Variants in ZNF692 observed in about 807,000 individuals in gnomAD.
The protein encoded by ZNF692 is AICAR responsive element binding protein.
Under a neutral mutation model 49.0 loss-of-function variants are expected in ZNF692, and 41 were observed. The observed-to-expected ratio is 0.84, with a 90% CI of 0.65 to 1.08. The LOEUF (loss-of-function observed/expected upper bound fraction) is 1.08. Among genes scored for constraint, ZNF692 ranks in the 50% least tolerant of loss-of-function variants. The probability of loss-of-function intolerance (pLI) is 0.00; values close to 1 mark genes in which losing one functional copy is unlikely to be tolerated. For missense variants in ZNF692, 662 were observed against 662.2 expected (o/e 1.00, Z 0.00); for synonymous variants, 288 against 251.5 (o/e 1.15, Z -1.37).
chr1:248,850,095 T>C lies in ZNF692; in HGVS notation c.*115A>G, dbSNP rs1558243459. On this transcript the variant is annotated 3_prime_UTR_variant, in exon 12 of 12. Coordinates refer to ENST00000306601, the MANE Select transcript of ZNF692 (RefSeq NM_017865.4). ...CCAGTCTTGCCCCCACCCTGCACTCTGTCGCCTTAGTTCCTGGGGACCAAG... is the reference window on the plus strand; with the variant it reads ...CCAGTCTTGCCCCCACCCTGCACTCCGTCGCCTTAGTTCCTGGGGACCAAG... 4 of 1,219,056 alleles carry C rather than the reference T, an allele frequency of 3.3e-6. No homozygotes were observed. The highest frequency in any genetic ancestry group is 1.5e-5 in the African/African-American group (1 of 65,412). 75.5% of individuals were successfully genotyped at this position (1,219,056 alleles called of 1,614,324 possible). A position where few individuals can be genotyped will look rare whatever the true frequency, so the allele number is the denominator to read the frequency against.
At chr1:248,852,870 C>T (rs1364071746) in intron 10 of ZNF692, among the ~76,000 whole-genome samples, 1 of 152,184 alleles carries the variant, frequency 6.6e-6, no homozygotes, top group Non-Finnish European at 1.5e-5. Context: ...TATGTAGGGA[C>T]ACTCTGGCCT....
chr1:248,855,733 G>T lies in ZNF692; in HGVS notation c.873C>A (p.Ala291=), dbSNP rs149407405. 4.4e-5 allele frequency: 71 copies of T among 1,614,086 alleles called. No individual in the cohort carries two copies. Among genetic ancestry groups the T allele is most frequent in the Non-Finnish European group, 5.8e-5 (69 of 1,180,046 alleles). The change falls in exon 7 of 12, where the codon GCC becomes GCA. Residue 291 remains alanine (A), a synonymous_variant. Transcript: ENST00000306601. ...CTCAGCCATCAGGTTACCTGGCCAG[G>T]GCCTCAGTCTGCTGGGCCGCTTGAG... is the stretch of plus-strand genomic sequence containing the variant. ...RTPQAAQQTE[A]LASTGSQAQS...
chr1:248,856,027 G>T (rs1660194294), intron 6 of ZNF692, 81 bp from the exon 7 acceptor site: 2 of 1,447,490 alleles, frequency 1.4e-6, no homozygotes, highest in African/African-American at 2.8e-5. Flanking sequence ...CCCCTAAACT[G>T]AAAAGATCTC....
At chr1:248,850,933 C>G (rs1659505654) in intron 10 of ZNF692, 152 bp from the exon 11 acceptor site, 1 of 745,018 alleles carries the variant, frequency 1.3e-6, no homozygotes, top group East Asian at 2.7e-5. Flanking sequence ...TGGAGCCCGT[C>G]TGGACCTCCC....
chr1:248,856,981 A>G (rs1425610676), intron 4 of ZNF692, among the ~76,000 whole-genome samples: 1 of 152,156 alleles, frequency 6.6e-6, no homozygotes, highest in Non-Finnish European at 1.5e-5. Flanking sequence ...TATGTCATAC[A>G]TTCGCAAGTA....
chr1:248,858,708 GGTC>G lies in ZNF692; in HGVS notation c.-13+207_-13+209del. 1.3e-6 allele frequency: 1 copy of G among 749,768 alleles called. No homozygotes were observed. The highest frequency in any genetic ancestry group is 2.3e-6 in the Non-Finnish European group (1 of 443,446). The allele number at this position is 749,768 out of a possible 1,614,324, so 46.4% of individuals were successfully genotyped here. On this transcript the variant is annotated intron_variant, in intron 1 of 11. Transcript: ENST00000306601. This position sits in a 1 kb window ranked among gnomAD's most constrained non-coding sequence, Gnocchi z 4.3. Reference sequence around the variant, plus strand: ...TTTACTGGTTTCTAGGGGAAGGAAAGGTCGTGTCCTGGCGTGCAGCTGGGGGCG... The same window carrying G: ...TTTACTGGTTTCTAGGGGAAGGAAAGGTGTCCTGGCGTGCAGCTGGGGGCG...
In ZNF692 at chr1:248,855,405, A is replaced by G; in HGVS notation, c.1013T>C (p.Ile338Thr). 1 of 1,614,136 alleles carries G rather than the reference A, an allele frequency of 6.2e-7. No individual in the cohort carries two copies. The highest frequency in any genetic ancestry group is 8.5e-7 in the Non-Finnish European group (1 of 1,180,028). The change falls in exon 9 of 12, where the codon ATC (isoleucine) becomes ACC (threonine). Residue 338 changes from isoleucine (I) to threonine (T), a missense_variant. Coordinates refer to ENST00000306601, the MANE Select transcript of ZNF692 (RefSeq NM_017865.4). ...MPCDFPGCGR[I>T]FSNRQYLNHH... ...ATTCAAATACTGCCGGTTGGAGAAG[A>G]TCCTTCCACAGCCAGGGAAGTCACA...
At chr1:248,857,900 A>G (rs767181247) in intron 2 of ZNF692, 41 bp from the exon 3 acceptor site, 2 of 1,609,204 alleles carry the variant, frequency 1.2e-6, no homozygotes, top group South Asian at 2.2e-5. Flanking sequence ...TCAGGTGGCC[A>G]GCCACCCTCA....
rs942729008 is a variant in ZNF692 at position 248,856,105 on chromosome 1, C to T, written c.660-159G>A. On this transcript the variant is annotated intron_variant, in intron 6 of 11. Coordinates refer to ENST00000306601, the MANE Select transcript of ZNF692 (RefSeq NM_017865.4). ...TATCTGCTTTCAGCCCTCAATCTCC[C>T]TGCACCTGACTTCACCCCTTTTCAC... 16 of 1,207,944 alleles carry T rather than the reference C, an allele frequency of 1.3e-5. No individual in the cohort carries two copies. The African/African-American group carries it at 2.2e-4, about 16-fold the overall frequency. 74.8% of individuals were successfully genotyped at this position (1,207,944 alleles called of 1,614,324 possible).
rs1245254326 is a variant in ZNF692, at chr1:248,855,919, C to T, written c.687G>A (p.Leu229=). 4 of 1,613,918 alleles carry T rather than the reference C, an allele frequency of 2.5e-6. No individual in the cohort carries two copies. Among genetic ancestry groups the T allele is most frequent in the African/African-American group, 2.7e-5 (2 of 74,890 alleles). Residue 229 remains leucine (L), a synonymous_variant, in exon 7 of 12, where the codon CTG becomes CTA. Transcript: ENST00000306601. ...DDSEPDAPRL[L]PSPVTCTPKE... ...TAGGTGTGCAGGTGACAGGGGAAGG[C>T]AGTAGTCTGGGGGCATCAGGCTCAC... is the stretch of plus-strand genomic sequence containing the variant.
chr1:248,853,383 A>C (rs1659831571), intron 10 of ZNF692, among the ~76,000 whole-genome samples: 3 of 152,124 alleles, frequency 2.0e-5, no homozygotes, highest in Non-Finnish European at 4.4e-5. Flanking sequence ...ATCTCACTTA[A>C]AGCAGATGTC....
Position 248,850,259 on chromosome 1 carries a change from G to A in ZNF692, c.1511C>T (p.Ser504Phe), listed in dbSNP as rs757391157. 7 of 1,590,922 alleles carry A rather than the reference G, an allele frequency of 4.4e-6. No homozygotes were observed. The South Asian group carries it at 6.8e-5, about 16-fold the overall frequency. The change falls in exon 12 of 12, where the codon TCC becomes TTC. Residue 504 changes from serine to phenylalanine, a missense_variant. Transcript: ENST00000306601. ...APGPLGSSEG[S>F]RPSASPQAPT... ...AGCCTGAGGAGATGCAGAGGGCCTGGACCCCTCGCTGGATCCCAGAGGCCC... is the reference window on the plus strand; with the variant it reads ...AGCCTGAGGAGATGCAGAGGGCCTGAACCCCTCGCTGGATCCCAGAGGCCC...
At chr1:248,853,654 C>T (rs181889542) in intron 10 of ZNF692, among the ~76,000 whole-genome samples, 5 of 152,242 alleles carry the variant, frequency 3.3e-5, no homozygotes, top group African/African-American at 9.6e-5. Context: ...TTCTTCATAG[C>T]CCTGTATCAC....
chr1:248,857,352 G>C lies in ZNF692; in HGVS notation c.357C>G (p.Thr119=). 1.9e-6 allele frequency: 3 copies of C among 1,614,052 alleles called. No homozygotes were observed. Among genetic ancestry groups the C allele is most frequent in the Non-Finnish European group, 2.5e-6 (3 of 1,179,988 alleles). The change falls in exon 4 of 12, where the codon ACC becomes ACG. Residue 119 remains threonine, a synonymous_variant. Transcript: ENST00000306601. Reference sequence around the variant, plus strand: ...GGCTCAAAGAGGGTCCCCAGGAGAAGGTATGGCCTGCTGAGCACTCCCACA... The same window carrying C: ...GGCTCAAAGAGGGTCCCCAGGAGAACGTATGGCCTGCTGAGCACTCCCACA... ...GLVWECSAGH[T]FSWGPSLSPT...
At position 248,858,721 on chromosome 1, in the gene ZNF692, C is replaced by CGT. The variant is rs1660547619; in HGVS notation, c.-13+195_-13+196dup. The CGT allele has an allele frequency of 2.9e-6, 2 of 699,668 alleles. No individual in the cohort carries two copies. Among genetic ancestry groups the CGT allele is most frequent in the South Asian group, 3.4e-5 (2 of 58,722 alleles). The allele number at this position is 699,668 out of a possible 1,614,324, so 43.3% of individuals were successfully genotyped here. On this transcript the variant is annotated intron_variant, in intron 1 of 11. Transcript: ENST00000306601. The surrounding 1 kb of genome is among the most constrained non-coding windows in gnomAD (Gnocchi z 4.3). ...AGGGGAAGGAAAGGTCGTGTCCTGG[C>CGT]GTGCAGCTGGGGGCGCTCTTCATAG...
At chr1:248,853,506 AG>A (rs975066805) in intron 10 of ZNF692, among the ~76,000 whole-genome samples, 4 of 152,046 alleles carry the variant, frequency 2.6e-5, no homozygotes, top group African/African-American at 9.7e-5. Flanking sequence ...ATACCACCTA[AG>A]GGCCCTTCCA....
chr1:248,856,031 A>T, intron 6 of ZNF692, 85 bp from the exon 7 acceptor site: 1 of 1,438,460 alleles, frequency 7.0e-7, no homozygotes, highest in Non-Finnish European at 9.5e-7. Context: ...TAAACTGAAA[A>T]GATCTCAAAC....
chr1:248,855,260 A>C (rs947017029), intron 9 of ZNF692, 120 bp downstream of exon 9: 2 of 902,878 alleles, frequency 2.2e-6, no homozygotes, highest in Non-Finnish European at 3.5e-6. Context: ...TATACATGTC[A>C]GGTACCCTCT....
At position 248,859,050 on chromosome 1, in the gene ZNF692, G is replaced by A. The variant is rs924187711; in HGVS notation, c.-145C>T. ...CAGCGTTTCTCTTTTAAGAAGAAACGGTGCCTCTCGGCGTCGGCTGCTGTA... is the reference window on the plus strand; with the variant it reads ...CAGCGTTTCTCTTTTAAGAAGAAACAGTGCCTCTCGGCGTCGGCTGCTGTA... On this transcript the variant is annotated 5_prime_UTR_variant, in exon 1 of 12. Transcript: ENST00000306601. 1 of 153,932 alleles carries A rather than the reference G, an allele frequency of 6.5e-6. No individual in the cohort carries two copies. Among genetic ancestry groups the A allele is most frequent in the Admixed American group, 6.5e-5 (1 of 15,484 alleles). 9.5% of individuals were successfully genotyped at this position (153,932 alleles called of 1,614,324 possible).
Sources: allele counts gnomAD v4.1 joint callset (sites outside exome capture counted in the v4.1 genomes callset), GRCh38; gene constraint gnomAD v4.1.1; non-coding constraint Gnocchi (gnomAD v3.1); transcripts MANE v1.5; gene names NCBI Gene and HGNC (gene_info 2026-07-23, HGNC 2026-07-21).